The following PCBP3 variants were observed in gnomAD, a reference collection of about 807,000 sequenced individuals.
The protein encoded by PCBP3 is poly(rC)-binding protein 3.
A neutral mutation model predicts 52.7 loss-of-function variants in PCBP3; 25 were observed. The observed-to-expected ratio is 0.47, with a 90% CI of 0.35 to 0.66. The LOEUF (loss-of-function observed/expected upper bound fraction) is 0.66. Among genes scored for constraint, PCBP3 ranks in the 30% least tolerant of loss-of-function variants. The pLI is 0.01. For missense variants in PCBP3, 391 were observed against 490.3 expected (o/e 0.80, Z 1.91); for synonymous variants, 162 against 183.0 (o/e 0.89, Z 0.93).
At chr21:45,926,096 A>G (rs1056645510) in intron 13 of PCBP3, among the ~76,000 whole-genome samples, 3 of 152,254 alleles carry the variant, frequency 2.0e-5, no homozygotes, top group African/African-American at 7.2e-5. Context: ...TCTTAGCACA[A>G]AGCAATTGCA....
intron 1 of PCBP3, among the ~76,000 whole-genome samples, chr21:45,665,016 T>A: frequency 6.6e-6 from 1 of 152,098 alleles, no homozygotes; most frequent in East Asian, 1.9e-4. Context: ...CATGGTTAAA[T>A]GTATTCCTAG....
intron 5 of PCBP3, among the ~76,000 whole-genome samples, chr21:45,851,986 C>T (rs887123210): frequency 3.9e-5 from 6 of 152,148 alleles, no homozygotes; most frequent in African/African-American, 7.2e-5. Context: ...GAGGCTGGTC[C>T]ACAGGTACAA....
At chr21:45,919,834 TGTGC>T (rs776761974) in intron 13 of PCBP3, among the ~76,000 whole-genome samples, 1 of 61,506 alleles carries the variant, frequency 1.6e-5, no homozygotes, top group African/African-American at 1.1e-4. Flanking sequence ...TGTGTGTGTG[TGTGC>T]GCGCGCGCGT....
chr21:45,653,956 G>A (rs528991748), intron 1 of PCBP3, among the ~76,000 whole-genome samples: 1 of 152,146 alleles, frequency 6.6e-6, no homozygotes, highest in African/African-American at 2.4e-5. Flanking sequence ...AGATAATGTA[G>A]TTATACCTTT....
chr21:45,825,716 G>C (rs1302432946), intron 4 of PCBP3, among the ~76,000 whole-genome samples: 2 of 152,064 alleles, frequency 1.3e-5, no homozygotes, highest in Non-Finnish European at 2.9e-5. Context: ...CTGGAAACTG[G>C]GAGGAGGGAA....
At chr21:45,675,081 A>C (rs2081384441) in intron 2 of PCBP3, among the ~76,000 whole-genome samples, 1 of 152,234 alleles carries the variant, frequency 6.6e-6, no homozygotes, top group Non-Finnish European at 1.5e-5. Flanking sequence ...GTAAGATCCC[A>C]AGAAACTTTC....
chr21:45,797,681 C>G (rs1569235558), intron 4 of PCBP3, among the ~76,000 whole-genome samples: 97 of 148,846 alleles, frequency 6.5e-4, no homozygotes, highest in Middle Eastern at 4.1e-3. Flanking sequence ...AGAGTGAATG[C>G]ATAGATGGAC....
chr21:45,876,995 C>G (rs1417013209), intron 5 of PCBP3, among the ~76,000 whole-genome samples: 2 of 152,240 alleles, frequency 1.3e-5, no homozygotes, highest in African/African-American at 4.8e-5. Flanking sequence ...TGCTGCCAGC[C>G]GCACTCACAG....
chr21:45,766,521 C>T (rs1427797119), intron 4 of PCBP3, among the ~76,000 whole-genome samples: 1 of 152,230 alleles, frequency 6.6e-6, no homozygotes, highest in Non-Finnish European at 1.5e-5. Flanking sequence ...GATTCCAACC[C>T]AGCCAGCACC....
intron 2 of PCBP3, among the ~76,000 whole-genome samples, chr21:45,697,686 A>G (rs564112336): frequency 3.8e-4 from 57 of 151,914 alleles, no homozygotes; most frequent in African/African-American, 1.3e-3. Context: ...TGAAGGCTGC[A>G]GTGAGCCATG....
At chr21:45,849,252 CTGCAG>C (rs2148173328) in intron 4 of PCBP3, among the ~76,000 whole-genome samples, 1 of 147,892 alleles carries the variant, frequency 6.8e-6, no homozygotes, top group East Asian at 2.0e-4. Context: ...CACACTCAGG[CTGCAG>C]TGCAGTGGCG....
intron 10 of PCBP3, 30 bp from the exon 11 acceptor site, chr21:45,910,872 G>T: frequency 6.4e-7 from 1 of 1,573,040 alleles, no homozygotes. Context: ...TGCTACCCTG[G>T]TGCTCCCTTC....
chr21:45,780,209 A>C (rs775078551), intron 4 of PCBP3, among the ~76,000 whole-genome samples: 1 of 152,244 alleles, frequency 6.6e-6, no homozygotes, highest in Non-Finnish European at 1.5e-5. Context: ...GCGTGAGGCA[A>C]TGTTTTCCTA....
At chr21:45,906,184 G>A (rs2096199217) in intron 9 of PCBP3, among the ~76,000 whole-genome samples, 1 of 152,224 alleles carries the variant, frequency 6.6e-6, no homozygotes, top group Non-Finnish European at 1.5e-5. Context: ...AGCCCTGGAG[G>A]GGCAGCGTGA....
intron 4 of PCBP3, among the ~76,000 whole-genome samples, chr21:45,838,939 C>A (rs1026324948): frequency 9.2e-5 from 14 of 152,178 alleles, no homozygotes; most frequent in African/African-American, 3.4e-4. Flanking sequence ...TCACAAAAGT[C>A]TCACTTTCCT....
intron 6 of PCBP3, among the ~76,000 whole-genome samples, chr21:45,898,897 T>C (rs60579722): frequency 8.3e-4 from 10 of 12,112 alleles, no homozygotes; most frequent in African/African-American, 2.8e-3. Flanking sequence ...GCCTTCCTCT[T>C]TTTCCACAGA....
intron 4 of PCBP3, among the ~76,000 whole-genome samples, chr21:45,822,341 C>T (rs537465514): frequency 6.6e-5 from 10 of 152,320 alleles, no homozygotes; most frequent in South Asian, 6.2e-4. Context: ...CGGTGTTCTG[C>T]GTTCTTTTAA....
intron 4 of PCBP3, among the ~76,000 whole-genome samples, chr21:45,795,605 G>A (rs1220385342): frequency 2.6e-5 from 4 of 152,082 alleles, no homozygotes; most frequent in Non-Finnish European, 4.4e-5. Context: ...TGCCACAAAA[G>A]CAATTCTCAG....
intron 5 of PCBP3, among the ~76,000 whole-genome samples, chr21:45,887,579 A>G (rs931614675): frequency 1.2e-4 from 19 of 152,224 alleles, no homozygotes; most frequent in African/African-American, 4.1e-4. Flanking sequence ...CATGGGGGAC[A>G]CTGTCACCAG....
Sources: allele counts gnomAD v4.1 joint callset (sites outside exome capture counted in the v4.1 genomes callset), GRCh38; gene constraint gnomAD v4.1.1; transcripts MANE v1.5; gene names NCBI Gene and HGNC (gene_info 2026-07-23, HGNC 2026-07-21).